The following TRANK1 variants were observed in gnomAD, a reference collection of about 807,000 sequenced individuals.
TRANK1 encodes the protein tetratricopeptide repeat and ankyrin repeat containing 1, also known as TPR and ankyrin repeat-containing protein 1.
Under a neutral mutation model 266.0 loss-of-function variants are expected in TRANK1, and 198 were observed. The ratio of observed to expected loss-of-function variants is 0.74; its 90% CI spans 0.66 to 0.84. The LOEUF is 0.84. Ranked by LOEUF, TRANK1 falls within the 40% of genes least tolerant of loss-of-function variation. TRANK1 has a pLI of 0.00. For synonymous variants in TRANK1, 1,396 were observed against 1,384.1 expected (o/e 1.01, Z -0.19); for missense variants, 3,326 against 3,634.6 (o/e 0.92, Z 2.18).
chr3:36,908,521 A>G (rs1487742434), intron 1 of TRANK1, 67 bp from the exon 2 acceptor site: 2 of 1,231,856 alleles, frequency 1.6e-6, no homozygotes, highest in South Asian at 4.1e-5. Context: ...TCCGGTCTGC[A>G]TTGCTGAAAT....
chr3:36,907,459 A>ATTTTTT (rs1212991729), intron 2 of TRANK1, among the ~76,000 whole-genome samples: 2 of 104,346 alleles, frequency 1.9e-5, no homozygotes, highest in Non-Finnish European at 1.9e-5. Flanking sequence ...AAATTTATTG[A>ATTTTTT]TTTTTTTTTT....
At chr3:36,935,655 C>A (rs2080416033) in intron 1 of TRANK1, among the ~76,000 whole-genome samples, 1 of 152,040 alleles carries the variant, frequency 6.6e-6, no homozygotes, top group Non-Finnish European at 1.5e-5. Context: ...TCATGTTGGT[C>A]AGGCTGGTCT....
At chr3:36,924,157 G>A (rs1420138099) in intron 1 of TRANK1, among the ~76,000 whole-genome samples, 3 of 152,174 alleles carry the variant, frequency 2.0e-5, no homozygotes, top group Non-Finnish European at 2.9e-5. Flanking sequence ...CGGGCACCAG[G>A]TGAGATCACC....
intron 1 of TRANK1, among the ~76,000 whole-genome samples, chr3:36,920,059 T>A (rs2080193738): frequency 6.6e-6 from 1 of 152,244 alleles, no homozygotes; most frequent in South Asian, 2.1e-4. Flanking sequence ...ATCATTCTCC[T>A]ATGCGGTACA....
chr3:36,909,481 T>C lies in TRANK1; in HGVS notation c.24-1027A>G, dbSNP rs115359221. ...AGGTGGGGGTCAGAGAAGAGGTCCT[T>C]TAGTATTGCTTCCTCTCAAGATGGC... On this transcript the variant is annotated intron_variant, in intron 1 of 23. Coordinates refer to ENST00000645898, the MANE Select transcript of TRANK1 (RefSeq NM_001329998.2). 2.3e-3 allele frequency among the ~76,000 whole-genome samples: 348 copies of C among 152,192 alleles called. 3 individuals carry two copies. The highest frequency in any genetic ancestry group is 6.8e-3 in the Middle Eastern group (2 of 294).
chr3:36,860,514 T>G (rs2079127296), intron 11 of TRANK1, among the ~76,000 whole-genome samples: 1 of 151,948 alleles, frequency 6.6e-6, no homozygotes, highest in African/African-American at 2.4e-5. Context: ...CAGAAAAGAA[T>G]GTCACAGGAG....
intron 16 of TRANK1, among the ~76,000 whole-genome samples, chr3:36,846,730 T>C (rs1249496080): frequency 2.0e-5 from 3 of 152,194 alleles, no homozygotes; most frequent in Non-Finnish European, 2.9e-5. Context: ...GAAGTAATTA[T>C]AGACTCACTG....
At chr3:36,941,283 G>A (rs1419628411) in intron 1 of TRANK1, among the ~76,000 whole-genome samples, 1 of 152,114 alleles carries the variant, frequency 6.6e-6, no homozygotes, top group South Asian at 2.1e-4. Context: ...AATGTTGCTG[G>A]AACTTCAAAG....
At chr3:36,945,147 G>T (rs1391783805), upstream of TRANK1, 1 of 320,342 alleles carries the variant, frequency 3.1e-6, no homozygotes, top group Non-Finnish European at 5.7e-6. Flanking sequence ...CAAAAGGGGC[G>T]TTTCGGTGTC....
chr3:36,845,735 C>T (rs763847018), intron 17 of TRANK1, among the ~76,000 whole-genome samples: 4 of 152,054 alleles, frequency 2.6e-5, no homozygotes, highest in Non-Finnish European at 4.4e-5. Context: ...CATAGTAGTC[C>T]CCTGAAAGAA....
At position 36,855,772 on chromosome 3, in the gene TRANK1, G is replaced by C; in HGVS notation, c.3950C>G (p.Pro1317Arg). 1 of 1,613,410 alleles carries C rather than the reference G, an allele frequency of 6.2e-7. No individual in the cohort carries two copies. The highest frequency in any genetic ancestry group is 1.1e-5 in the South Asian group (1 of 91,052). ...AVEMRTGDSD[P>R]RVYVTFEVFK... is the part of the protein sequence containing the mutation. ...CACCTCAAACGTCACGTACACCCGG[G>C]GGTCACTGTCACCCGTACGCATTTC... The change falls in exon 13 of 24, where the codon CCC (proline) becomes CGC (arginine). Residue 1317 changes from proline (P) to arginine (R), a missense_variant. Coordinates refer to ENST00000645898, the MANE Select transcript of TRANK1 (RefSeq NM_001329998.2).
chr3:36,866,058 AAGAAAGAAAG>A, intron 9 of TRANK1, among the ~76,000 whole-genome samples: 1 of 117,352 alleles, frequency 8.5e-6, no homozygotes, highest in East Asian at 2.5e-4. Context: ...AAGAAAAAGA[AAGAAAGAAAG>A]AAAGAAAGAA....
Position 36,832,123 on chromosome 3 carries a change from T to G in TRANK1, c.7460A>C (p.His2487Pro). Reference protein sequence around the residue: ...CLPKSYIALLHYWEFLFSKKD... With the variant: ...CLPKSYIALLPYWEFLFSKKD... ...CTTGCTAAACAGGAACTCCCAGTAGTGCAAGAGTGCAATGTAGCTCTTGGG... is the reference window on the plus strand; with the variant it reads ...CTTGCTAAACAGGAACTCCCAGTAGGGCAAGAGTGCAATGTAGCTCTTGGG... The change falls in exon 22 of 24, where the codon CAC becomes CCC. Residue 2487 changes from histidine to proline, a missense_variant. Coordinates refer to ENST00000645898, the MANE Select transcript of TRANK1 (RefSeq NM_001329998.2). The G allele has an allele frequency of 2.5e-6, 4 of 1,614,008 alleles. No homozygotes were observed. The highest frequency in any genetic ancestry group is 3.4e-6 in the Non-Finnish European group (4 of 1,179,884).
intron 17 of TRANK1, among the ~76,000 whole-genome samples, chr3:36,843,762 G>T (rs1479774018): frequency 6.6e-6 from 1 of 152,166 alleles, no homozygotes; most frequent in Non-Finnish European, 1.5e-5. Flanking sequence ...ACAGGGGAGT[G>T]AGGCAGACAG....
chr3:36,892,096 G>T lies in TRANK1; in HGVS notation c.775+106C>A, dbSNP rs564006606. 430 of 1,269,958 alleles carry T rather than the reference G, an allele frequency of 3.4e-4. 1 individual carries two copies. In the South Asian group the frequency reaches 4.6e-3, roughly 14 times the overall value. The allele number at this position is 1,269,958 out of a possible 1,614,324, so 78.7% of individuals were successfully genotyped here. On this transcript the variant is annotated intron_variant, in intron 7 of 23. Coordinates refer to ENST00000645898, the MANE Select transcript of TRANK1 (RefSeq NM_001329998.2). ...AATCAGATCATTTGAATATTCAAAT[G>T]GTCTGCATTCAAGTGGCTTAATTCT...
chr3:36,858,655 G>A, intron 12 of TRANK1, 63 bp downstream of exon 12: 1 of 1,407,070 alleles, frequency 7.1e-7, no homozygotes, highest in Non-Finnish European at 9.3e-7. Flanking sequence ...AGAAAACATA[G>A]CATCAGTTCT....
chr3:36,888,016 A>ATCT (rs1450083904), intron 8 of TRANK1, among the ~76,000 whole-genome samples: 4 of 152,240 alleles, frequency 2.6e-5, no homozygotes, highest in Non-Finnish European at 5.9e-5. Flanking sequence ...TCTAGCTGGG[A>ATCT]AAAATGAAAA....
chr3:36,901,732 G>A (rs1035525291), intron 3 of TRANK1, among the ~76,000 whole-genome samples: 7 of 152,088 alleles, frequency 4.6e-5, no homozygotes, highest in Non-Finnish European at 5.9e-5. Flanking sequence ...GGGGAGAGAG[G>A]ATGGAGAGAG....
chr3:36,889,802 C>A, intron 8 of TRANK1, 27 bp downstream of exon 8: 1 of 1,515,548 alleles, frequency 6.6e-7, no homozygotes, highest in Admixed American at 2.1e-5. Flanking sequence ...AGCCACAGCG[C>A]ACCCTCTGGG....
Sources: gnomAD v4.1 joint callset for allele counts (sites outside exome capture counted in the v4.1 genomes callset) on GRCh38, gnomAD v4.1.1 for gene constraint, MANE v1.5 for transcripts, NCBI Gene and HGNC (gene_info 2026-07-23, HGNC 2026-07-21) for gene names.